PRKAR2B: variants seen among roughly 807,000 people sequenced by gnomAD.
PRKAR2B encodes the protein cAMP-dependent protein kinase type II-beta regulatory subunit.
PRKAR2B carries 14 observed loss-of-function variants against 49.9 expected under a neutral mutation model. The ratio of observed to expected loss-of-function variants is 0.28; its 90% confidence interval spans 0.19 to 0.44. The LOEUF (loss-of-function observed/expected upper bound fraction) is 0.44, where lower values mean the gene tolerates loss of function less well. Ranked by LOEUF, PRKAR2B falls within the 20% of genes least tolerant of loss-of-function variation. The probability of loss-of-function intolerance (pLI) is 1.00; values close to 1 mark genes in which losing one functional copy is unlikely to be tolerated. For synonymous variants in PRKAR2B, 196 were observed against 197.7 expected, an observed-to-expected ratio of 0.99 and a Z score of 0.07; for missense variants, 393 against 537.9, an observed-to-expected ratio of 0.73 and a Z score of 2.67.
intron 1 of PRKAR2B, among the ~76,000 whole-genome samples, chr7:107,058,550 A>G (rs1366093813): frequency 6.6e-6 from 1 of 152,218 alleles, no homozygotes; most frequent in African/African-American, 2.4e-5. Context: ...CTTTGTTTTT[A>G]CATGAAGTTT....
chr7:107,128,373 G>A, intron 4 of PRKAR2B, 78 bp downstream of exon 4: 1 of 1,105,256 alleles, frequency 9.0e-7, no homozygotes, highest in Non-Finnish European at 1.3e-6. Flanking sequence ...AGGGTCTTGA[G>A]TTTTGCCCTC....
intron 4 of PRKAR2B, among the ~76,000 whole-genome samples, chr7:107,136,828 A>T (rs980288093): frequency 2.0e-5 from 3 of 152,228 alleles, no homozygotes; most frequent in African/African-American, 4.8e-5. Context: ...AAAGGAGTTG[A>T]AAACTTAGGT....
intron 1 of PRKAR2B, among the ~76,000 whole-genome samples, chr7:107,063,555 A>G (rs1794068727): frequency 6.6e-6 from 1 of 152,192 alleles, no homozygotes; most frequent in Non-Finnish European, 1.5e-5. Flanking sequence ...GAAAGGAACA[A>G]GAGGGGCAAC....
chr7:107,077,133 C>A (rs1794413960), intron 2 of PRKAR2B: 1 of 152,128 alleles, frequency 6.6e-6, no homozygotes. Flanking sequence ...ATTATAGTTA[C>A]ATTCATATTT....
Position 107,153,217 on chromosome 7 carries a change from A to G in PRKAR2B, c.884A>G (p.Lys295Arg), listed in dbSNP as rs941339348. The G allele has an allele frequency of 6.2e-7, 1 of 1,609,842 alleles. No homozygotes were observed. The highest frequency in any genetic ancestry group is 8.5e-7 in the Non-Finnish European group (1 of 1,178,038). Reference protein sequence around the residue: ...RLKVVDVIGTKVYNDGEQIIA... With the variant: ...RLKVVDVIGTRVYNDGEQIIA... The stretch of plus-strand genomic sequence containing the variant: ...AAAGTAGTAGATGTGATAGGCACCA[A>G]AGTATACAACGATGGAGAACAAATC... The change falls in exon 8 of 11, where the codon AAA becomes AGA. Residue 295 changes from lysine to arginine, a missense_variant. Lys to Arg is a conservative substitution (Grantham distance 26). Coordinates refer to ENST00000265717, the MANE Select transcript of PRKAR2B (RefSeq NM_002736.3).
intron 2 of PRKAR2B, among the ~76,000 whole-genome samples, chr7:107,110,811 C>G (rs1260818573): frequency 6.6e-6 from 1 of 152,148 alleles, no homozygotes; most frequent in Non-Finnish European, 1.5e-5. Flanking sequence ...TTGAGACTTG[C>G]TGGCTTCAGG....
chr7:107,111,882 C>G (rs916957528), intron 2 of PRKAR2B, among the ~76,000 whole-genome samples: 1 of 151,568 alleles, frequency 6.6e-6, no homozygotes, highest in Admixed American at 6.6e-5. Flanking sequence ...AACTCTGCAT[C>G]CTGGCCAGGT....
chr7:107,140,896 A>T lies in PRKAR2B; in HGVS notation c.530A>T (p.Asp177Val). ...GCCATGTTTGAAAAATTGGTCAAAGATGGGGAGCATGTAATTGATCAAGGT... is the reference window on the plus strand; with the variant it reads ...GCCATGTTTGAAAAATTGGTCAAAGTTGGGGAGCATGTAATTGATCAAGGT... ...LDAMFEKLVKDGEHVIDQGDD... is the reference protein window; with the variant it reads ...LDAMFEKLVKVGEHVIDQGDD... The change falls in exon 5 of 11, where the codon GAT (aspartate) becomes GTT (valine). Residue 177 changes from aspartate to valine, a missense_variant. Coordinates refer to ENST00000265717, the MANE Select transcript of PRKAR2B (RefSeq NM_002736.3). 6.2e-7 allele frequency: 1 copy of T among 1,613,232 alleles called. No homozygotes were observed. Among genetic ancestry groups the T allele is most frequent in the Non-Finnish European group, 8.5e-7 (1 of 1,179,512 alleles).
rs943149651 is a variant in PRKAR2B at position 107,160,349 on chromosome 7, T to A, written c.*767T>A. 6.6e-6 allele frequency: 1 copy of A among 152,246 alleles called. No homozygotes were observed. Among genetic ancestry groups the A allele is most frequent in the African/African-American group, 2.4e-5 (1 of 41,460 alleles). The allele number at this position is 152,246 out of a possible 1,614,324, so 9.4% of individuals were successfully genotyped here. A position where few individuals can be genotyped will look rare whatever the true frequency, so the allele number is the denominator to read the frequency against. ...TGCAATTCTCTGTATTCTATGTCTT[T>A]AAAAATTTGATCTTGACATTTAATG... On this transcript the variant is annotated 3_prime_UTR_variant, in exon 11 of 11. Coordinates refer to ENST00000265717, the MANE Select transcript of PRKAR2B (RefSeq NM_002736.3).
chr7:107,063,888 G>A (rs577571892), intron 1 of PRKAR2B, among the ~76,000 whole-genome samples: 1 of 152,210 alleles, frequency 6.6e-6, no homozygotes, highest in African/African-American at 2.4e-5. Context: ...GGTGTTCTTA[G>A]CCTAGTTTGG....
chr7:107,087,988 A>G (rs1347757786), intron 2 of PRKAR2B, among the ~76,000 whole-genome samples: 2 of 152,126 alleles, frequency 1.3e-5, no homozygotes, highest in Non-Finnish European at 2.9e-5. Context: ...ACCAGCCACA[A>G]ATGCTCTCAT....
intron 2 of PRKAR2B, 73 bp from the exon 3 acceptor site, chr7:107,121,879 T>C: frequency 1.2e-6 from 1 of 841,494 alleles, no homozygotes; most frequent in Non-Finnish European, 1.9e-6. Flanking sequence ...GTTCATTAAG[T>C]GTTAACGATG....
chr7:107,059,436 G>C (rs1309493023), intron 1 of PRKAR2B, among the ~76,000 whole-genome samples: 1 of 151,926 alleles, frequency 6.6e-6, no homozygotes, highest in Non-Finnish European at 1.5e-5. Flanking sequence ...TGGTTTTGTA[G>C]TATTACTACA....
In PRKAR2B at chr7:107,045,234, C is replaced by G; in HGVS notation, c.307+20C>G. ...TCAATGGTGAGGACCAGACCCCCCA[C>G]TTCGCGCCCCCGGATCCCCTCGCTG... On this transcript the variant is annotated intron_variant, in intron 1 of 10. Coordinates refer to ENST00000265717, the MANE Select transcript of PRKAR2B (RefSeq NM_002736.3). 7.1e-7 allele frequency: 1 copy of G among 1,403,522 alleles called. No individual in the cohort carries two copies. Among genetic ancestry groups the G allele is most frequent in the Non-Finnish European group, 9.2e-7 (1 of 1,081,390 alleles). 86.9% of individuals were successfully genotyped at this position (1,403,522 alleles called of 1,614,324 possible).
intron 1 of PRKAR2B, among the ~76,000 whole-genome samples, chr7:107,069,145 A>T (rs1794213386): frequency 6.6e-6 from 1 of 152,168 alleles, no homozygotes; most frequent in Admixed American, 6.5e-5. Context: ...CATGTTGGCC[A>T]TGCTGGTCTC....
At chr7:107,068,278 A>AG (rs1794193180) in intron 1 of PRKAR2B, among the ~76,000 whole-genome samples, 3 of 152,218 alleles carry the variant, frequency 2.0e-5, no homozygotes, top group African/African-American at 4.8e-5. Context: ...TGGAGGGGGC[A>AG]GGGGGGCAGA....
chr7:107,128,597 T>C (rs1456184406), intron 4 of PRKAR2B, among the ~76,000 whole-genome samples: 1 of 152,132 alleles, frequency 6.6e-6, no homozygotes, highest in Non-Finnish European at 1.5e-5. Flanking sequence ...CCCTGAGAAA[T>C]GGCACAGGTA....
chr7:107,100,205 A>G (rs1794932776), intron 2 of PRKAR2B, among the ~76,000 whole-genome samples: 1 of 152,100 alleles, frequency 6.6e-6, no homozygotes, highest in Non-Finnish European at 1.5e-5. Flanking sequence ...AAATACTCCT[A>G]GTCAGTGTTA....
At chr7:107,087,336 G>T (rs1794640560) in intron 2 of PRKAR2B, among the ~76,000 whole-genome samples, 1 of 151,778 alleles carries the variant, frequency 6.6e-6, no homozygotes, top group Non-Finnish European at 1.5e-5. Flanking sequence ...ATAACATAAA[G>T]ATATTTCATT....
Sources: gnomAD v4.1 joint callset for allele counts (sites outside exome capture counted in the v4.1 genomes callset) on GRCh38, gnomAD v4.1.1 for gene constraint, MANE v1.5 for transcripts, NCBI Gene and HGNC (gene_info 2026-07-23, HGNC 2026-07-21) for gene names.